Variants in SYNJ1 observed in about 807,000 individuals in gnomAD.
SYNJ1 encodes the protein polyphosphatidylinositol phosphatase SYNJ1.
In SYNJ1, 78 loss-of-function variants were observed where a neutral mutation model predicts 168.2. That is an observed-to-expected ratio of 0.46 (90% CI 0.39 to 0.56). SYNJ1 has a LOEUF of 0.56. Among genes scored for constraint, SYNJ1 ranks in the 20% least tolerant of loss-of-function variants. SYNJ1 has a pLI of 0.00. For missense variants in SYNJ1, 1,303 were observed against 1,597.6 expected, an observed-to-expected ratio of 0.82 and a Z score of 3.14; for synonymous variants, 539 against 548.6, an observed-to-expected ratio of 0.98 and a Z score of 0.24.
intron 2 of SYNJ1, 66 bp downstream of exon 2, chr21:32,726,706 T>C: frequency 6.4e-7 from 1 of 1,573,108 alleles, no homozygotes; most frequent in South Asian, 1.2e-5. Flanking sequence ...TAAAAAATGG[T>C]TGCATCTGAA....
intron 5 of SYNJ1, 23 bp downstream of exon 5, chr21:32,695,030 TTAAG>T (rs777568562): frequency 1.3e-6 from 2 of 1,576,120 alleles, no homozygotes; most frequent in Non-Finnish European, 1.7e-6. Flanking sequence ...AATAAATTAA[TTAAG>T]TAATATAAAA....
chr21:32,656,019 A>G (rs2040440507), intron 21 of SYNJ1, among the ~76,000 whole-genome samples: 1 of 152,274 alleles, frequency 6.6e-6, no homozygotes. Context: ...TCCTTAAAAA[A>G]AAATAGCAAT....
At chr21:32,722,199 A>ATATAT (rs2043253842) in intron 2 of SYNJ1, among the ~76,000 whole-genome samples, 1 of 114,278 alleles carries the variant, frequency 8.8e-6, no homozygotes, top group Non-Finnish European at 1.8e-5. Context: ...GAAAAAAAAA[A>ATATAT]AAAAAAATAT....
At chr21:32,676,487 T>C in intron 12 of SYNJ1, 132 bp from the exon 13 acceptor site, 1 of 748,264 alleles carries the variant, frequency 1.3e-6, no homozygotes, top group East Asian at 2.8e-5. Flanking sequence ...TTTTTTCTGA[T>C]AGCTATAGAA....
At chr21:32,728,124 C>T (rs1019203472), upstream of SYNJ1, 1 of 1,432,434 alleles carries the variant, frequency 7.0e-7, no homozygotes, top group Non-Finnish European at 9.2e-7. Context: ...CACTCTGCGC[C>T]GACCGGCTGG....
intron 2 of SYNJ1, among the ~76,000 whole-genome samples, chr21:32,709,661 G>A (rs2042754429): frequency 6.6e-6 from 1 of 151,314 alleles, no homozygotes; most frequent in Admixed American, 6.6e-5. Context: ...GGGATTACAG[G>A]TGCCCACCAA....
In SYNJ1 at chr21:32,646,546, G is replaced by T; in HGVS notation, c.3094C>A (p.Pro1032Thr). Residue 1032 changes from proline to threonine, a missense_variant, in exon 24 of 33, where the codon CCA becomes ACA. Pro to Thr is a conservative substitution (Grantham distance 38). This residue lies in a region of SYNJ1 where 383 missense variants were observed against 388.8 expected (regional missense o/e 0.99). Transcript: ENST00000674351. ...VEELLPQHLQ[P>T]SSSSGLGTSP... Reference sequence around the variant, plus strand: ...GTACCAAGGCCGGAACTTGAAGATGGCTGGAGATGCTGAGGAAGAAGTTCC... The same window carrying T: ...GTACCAAGGCCGGAACTTGAAGATGTCTGGAGATGCTGAGGAAGAAGTTCC... 1 of 1,614,166 alleles carries T rather than the reference G, an allele frequency of 6.2e-7. No homozygotes were observed. The highest frequency in any genetic ancestry group is 8.5e-7 in the Non-Finnish European group (1 of 1,180,016).
chr21:32,703,045 A>T (rs2042467465), intron 2 of SYNJ1, among the ~76,000 whole-genome samples: 1 of 152,260 alleles, frequency 6.6e-6, no homozygotes, highest in Admixed American at 6.5e-5. Flanking sequence ...TCTTCTCCAG[A>T]GTCCTATAGA....
intron 9 of SYNJ1, among the ~76,000 whole-genome samples, chr21:32,684,389 T>C (rs549331753): frequency 4.6e-5 from 7 of 152,324 alleles, no homozygotes; most frequent in Admixed American, 2.0e-4. Context: ...AAACTAAATA[T>C]ACATTCAGGT....
chr21:32,638,683 C>A (rs571521637), intron 31 of SYNJ1, among the ~76,000 whole-genome samples: 2 of 151,842 alleles, frequency 1.3e-5, no homozygotes, highest in Non-Finnish European at 2.9e-5. Context: ...GGAGACAGAG[C>A]AAGACTTCGT....
At chr21:32,712,248 G>A (rs776308045) in intron 2 of SYNJ1, among the ~76,000 whole-genome samples, 1 of 152,150 alleles carries the variant, frequency 6.6e-6, no homozygotes, top group African/African-American at 2.4e-5. Context: ...GAGCTTATTT[G>A]CATGCAGACA....
Position 32,726,764 on chromosome 21 carries a change from T to C in SYNJ1, c.124+8A>G. 2 of 1,613,748 alleles carry C rather than the reference T, an allele frequency of 1.2e-6. No individual in the cohort carries two copies. The highest frequency in any genetic ancestry group is 1.7e-6 in the Non-Finnish European group (2 of 1,179,874). On this transcript the variant is annotated splice_region_variant and intron_variant, in intron 2 of 32. Transcript: ENST00000674351. ...CCATGACAAATTGGGCTCTAACAGA[T>C]GACTTACAGAGCACAGCGACAGCCC...
intron 15 of SYNJ1, among the ~76,000 whole-genome samples, chr21:32,669,473 T>C (rs1476137772): frequency 6.6e-6 from 1 of 152,228 alleles, no homozygotes; most frequent in Non-Finnish European, 1.5e-5. Flanking sequence ...TATTATATAA[T>C]GAAATGTGTT....
At chr21:32,658,777 G>T (rs1227823314) in intron 18 of SYNJ1, among the ~76,000 whole-genome samples, 1 of 152,220 alleles carries the variant, frequency 6.6e-6, no homozygotes, top group Non-Finnish European at 1.5e-5. Flanking sequence ...GGGGTGGAGT[G>T]CAGTGGGTCA....
intron 18 of SYNJ1, among the ~76,000 whole-genome samples, chr21:32,662,057 G>A (rs1569058790): frequency 6.6e-6 from 1 of 152,100 alleles, no homozygotes; most frequent in Non-Finnish European, 1.5e-5. Flanking sequence ...CCCCACGGCT[G>A]TAAAGGAGAA....
At chr21:32,715,367 G>A (rs543968859) in intron 2 of SYNJ1, among the ~76,000 whole-genome samples, 106 of 151,986 alleles carry the variant, frequency 7.0e-4, no homozygotes, top group African/African-American at 2.4e-3. Context: ...TCAGCTACTC[G>A]GGATGCTGAG....
chr21:32,636,622 A>C lies in SYNJ1; in HGVS notation c.3916-1738T>G, dbSNP rs555416389. Among the ~76,000 whole-genome samples, 17 of 152,104 alleles carry C rather than the reference A, an allele frequency of 1.1e-4. 1 individual carries two copies. In the South Asian group the frequency reaches 3.5e-3, roughly 32 times the overall value. On this transcript the variant is annotated intron_variant, in intron 31 of 32. Coordinates refer to ENST00000674351, the MANE Select transcript of SYNJ1 (RefSeq NM_203446.3). ...CTTCCAATAATTTAAAATTTTTTTT[A>C]TTATTTTTAAAATAGGCATTATTTT...
intron 32 of SYNJ1, 69 bp downstream of exon 32, chr21:32,634,792 C>A: frequency 6.5e-7 from 1 of 1,527,754 alleles, no homozygotes; most frequent in Non-Finnish European, 9.0e-7. Context: ...ATGTATGAAG[C>A]AGAGATTCAT....
chr21:32,698,873 G>A (rs768538056), intron 4 of SYNJ1, among the ~76,000 whole-genome samples: 2 of 152,136 alleles, frequency 1.3e-5, no homozygotes, highest in Admixed American at 6.5e-5. Context: ...AGGGAATGCC[G>A]CCAGAGACAA....
Sources: allele counts gnomAD v4.1 joint callset (sites outside exome capture counted in the v4.1 genomes callset), GRCh38; gene constraint gnomAD v4.1.1; regional missense constraint gnomAD v4.1.1; transcripts MANE v1.5; gene names NCBI Gene and HGNC (gene_info 2026-07-23, HGNC 2026-07-21).